Variants in ZNF385B observed in about 807,000 individuals in gnomAD.
ZNF385B encodes zinc finger protein 385B, also known as zinc finger protein 533.
Under a neutral mutation model 39.2 loss-of-function variants are expected in ZNF385B, and 23 were observed. That is an observed-to-expected ratio of 0.59 (90% confidence interval 0.42 to 0.83). ZNF385B has a LOEUF of 0.83. ZNF385B is among the 40% of genes least tolerant of loss of function. ZNF385B has a pLI of 0.00. For missense variants in ZNF385B, 552 were observed against 598.9 expected, an observed-to-expected ratio of 0.92 and a Z score of 0.82; for synonymous variants, 205 against 222.6, an observed-to-expected ratio of 0.92 and a Z score of 0.70.
At chr2:179,799,130 T>C (rs1705870187) in intron 1 of ZNF385B, among the ~76,000 whole-genome samples, 1 of 152,074 alleles carries the variant, frequency 6.6e-6, no homozygotes, top group Non-Finnish European at 1.5e-5. Context: ...GTACAGCTTT[T>C]CTCATTTATA....
chr2:179,557,695 GTA>G (rs1197487822), intron 3 of ZNF385B, among the ~76,000 whole-genome samples: 1 of 149,854 alleles, frequency 6.7e-6, no homozygotes, highest in Non-Finnish European at 1.5e-5. Flanking sequence ...TGCTATATAT[GTA>G]TATATGTCAT....
chr2:179,635,966 TAA>T (rs1691714720), intron 3 of ZNF385B, among the ~76,000 whole-genome samples: 1 of 152,174 alleles, frequency 6.6e-6, no homozygotes, highest in Non-Finnish European at 1.5e-5. Flanking sequence ...TAAAATCATA[TAA>T]AGTTTTATAA....
chr2:179,763,830 T>C (rs1455416772), intron 3 of ZNF385B, among the ~76,000 whole-genome samples: 4 of 152,192 alleles, frequency 2.6e-5, no homozygotes, highest in African/African-American at 9.6e-5. Context: ...AGAGAAAATA[T>C]TGTATATGAT....
At chr2:179,840,141 A>G (rs1708467687) in intron 1 of ZNF385B, among the ~76,000 whole-genome samples, 1 of 152,232 alleles carries the variant, frequency 6.6e-6, no homozygotes, top group Admixed American at 6.5e-5. Context: ...CATTACAGAT[A>G]TATTTATAAT....
intron 5 of ZNF385B, among the ~76,000 whole-genome samples, chr2:179,496,190 TTC>T (rs1490211653): frequency 6.6e-6 from 1 of 152,146 alleles, no homozygotes; most frequent in East Asian, 1.9e-4. Flanking sequence ...GCAACTGGCA[TTC>T]TGAAGAATTC....
At chr2:179,623,815 C>A (rs1356693114) in intron 3 of ZNF385B, among the ~76,000 whole-genome samples, 1 of 152,178 alleles carries the variant, frequency 6.6e-6, no homozygotes, top group East Asian at 1.9e-4. Context: ...TTCTTTTCTG[C>A]TGCAAACAGC....
chr2:179,578,051 C>A (rs1457300519), intron 3 of ZNF385B, among the ~76,000 whole-genome samples: 2 of 152,064 alleles, frequency 1.3e-5, no homozygotes, highest in Non-Finnish European at 2.9e-5. Flanking sequence ...CAACTAGTGA[C>A]AGTACTCTGA....
intron 6 of ZNF385B, among the ~76,000 whole-genome samples, chr2:179,474,967 T>C (rs1367878834): frequency 6.6e-6 from 1 of 152,156 alleles, no homozygotes. Flanking sequence ...TATTTCCACT[T>C]TACAGATTAG....
chr2:179,789,155 GA>G (rs879540543), intron 1 of ZNF385B, among the ~76,000 whole-genome samples: 2 of 150,386 alleles, frequency 1.3e-5, no homozygotes, highest in African/African-American at 4.9e-5. Context: ...TTCTATTATA[GA>G]AAAAAAAACC....
chr2:179,634,200 T>C (rs1296295826), intron 3 of ZNF385B, among the ~76,000 whole-genome samples: 3 of 147,130 alleles, frequency 2.0e-5, no homozygotes, highest in East Asian at 1.9e-4. Flanking sequence ...AAAGCCAAAA[T>C]TGACAAATGG....
At chr2:179,665,695 CA>C (rs1553499979) in intron 3 of ZNF385B, among the ~76,000 whole-genome samples, 1 of 152,214 alleles carries the variant, frequency 6.6e-6, no homozygotes, top group Non-Finnish European at 1.5e-5. Flanking sequence ...CCAGACAGAG[CA>C]CCAGCTCCCT....
In ZNF385B at chr2:179,511,164, G is replaced by A. The variant is rs140155475; in HGVS notation, c.552+7364C>T. ...GGTGGAGAGAGGTGGAGTTAGGTCT[G>A]GTGGCAAAGGAAGATGCAAAATCAG... On this transcript the variant is annotated intron_variant, in intron 5 of 9. Coordinates refer to ENST00000410066, the MANE Select transcript of ZNF385B (RefSeq NM_152520.6). Among the ~76,000 whole-genome samples the A allele has an allele frequency of 2.0e-5, 3 of 152,264 alleles. No homozygotes were observed. In the East Asian group the frequency reaches 5.8e-4, roughly 29 times the overall value.
chr2:179,580,849 C>T (rs1208352707), intron 3 of ZNF385B, among the ~76,000 whole-genome samples: 1 of 152,150 alleles, frequency 6.6e-6, no homozygotes, highest in East Asian at 1.9e-4. Context: ...TTGCAAAGAG[C>T]AGGGCCAACT....
intron 3 of ZNF385B, among the ~76,000 whole-genome samples, chr2:179,575,142 A>G (rs1467668895): frequency 6.6e-6 from 1 of 152,060 alleles, no homozygotes; most frequent in Non-Finnish European, 1.5e-5. Flanking sequence ...GTATATGCAG[A>G]TACCTCCTGG....
chr2:179,808,321 C>T (rs550040490), intron 1 of ZNF385B, among the ~76,000 whole-genome samples: 3 of 152,156 alleles, frequency 2.0e-5, no homozygotes, highest in Non-Finnish European at 2.9e-5. Context: ...CGTGAGCCAC[C>T]GCACCCGGCC....
intron 3 of ZNF385B, among the ~76,000 whole-genome samples, chr2:179,575,123 C>G (rs923495239): frequency 3.3e-5 from 5 of 152,066 alleles, no homozygotes; most frequent in African/African-American, 1.2e-4. Flanking sequence ...TGCCCCAGGC[C>G]TCAGCTCTGT....
At chr2:179,802,420 C>T (rs554088993) in intron 1 of ZNF385B, 1 of 152,238 alleles carries the variant, frequency 6.6e-6, no homozygotes, top group East Asian at 1.9e-4. Context: ...CTGCTCTCTA[C>T]ATCTTAACAG....
In ZNF385B at chr2:179,509,081, G is replaced by A. The variant is rs150843883; in HGVS notation, c.552+9447C>T. 5.9e-4 allele frequency among the ~76,000 whole-genome samples: 89 copies of A among 151,870 alleles called. 1 individual carries two copies. The highest frequency in any genetic ancestry group is 2.0e-3 in the African/African-American group (82 of 41,448). On this transcript the variant is annotated intron_variant, in intron 5 of 9. Transcript: ENST00000410066. ...CCTGCCTCAGCCTCCCAAGTAGCTG[G>A]GACTACAGGCACCCACCACTACGCC...
At chr2:179,811,768 A>C (rs1242876949) in intron 1 of ZNF385B, among the ~76,000 whole-genome samples, 2 of 152,134 alleles carry the variant, frequency 1.3e-5, no homozygotes, top group Non-Finnish European at 2.9e-5. Context: ...CCTCAAAAGC[A>C]ACTGCCACAC....
Sources: allele counts gnomAD v4.1 joint callset (sites outside exome capture counted in the v4.1 genomes callset), GRCh38; gene constraint gnomAD v4.1.1; transcripts MANE v1.5; gene names NCBI Gene and HGNC (gene_info 2026-07-23, HGNC 2026-07-21).